Variants in CNTNAP2 observed in about 807,000 individuals in gnomAD.
CNTNAP2 encodes contactin associated protein 2.
Under a neutral mutation model 155.2 loss-of-function variants are expected in CNTNAP2, and 98 were observed. The ratio of observed to expected loss-of-function variants is 0.63; its 90% CI spans 0.54 to 0.75. CNTNAP2 has a LOEUF of 0.75. Ranked by LOEUF, CNTNAP2 falls within the 30% of genes least tolerant of loss-of-function variation. The pLI is 0.00. For synonymous variants in CNTNAP2, 651 were observed against 631.2 expected, an observed-to-expected ratio of 1.03 and a Z score of -0.47; for missense variants, 1,727 against 1,688.1, an observed-to-expected ratio of 1.02 and a Z score of -0.40.
chr7:146,889,205 G>C lies in CNTNAP2; in HGVS notation c.402+49301G>C, dbSNP rs1283280746. Among the ~76,000 whole-genome samples the C allele has an allele frequency of 6.6e-5, 10 of 151,960 alleles. No homozygotes were observed. The South Asian group carries it at 2.1e-3, about 32-fold the overall frequency. Reference sequence around the variant, plus strand: ...GCAGTTTTTAAAAAAGTTTTAATTAGTTGCTTTTTCTGTTTTTCAAAAAAT... The same window carrying C: ...GCAGTTTTTAAAAAAGTTTTAATTACTTGCTTTTTCTGTTTTTCAAAAAAT... On this transcript the variant is annotated intron_variant, in intron 3 of 23. Coordinates refer to ENST00000361727, the MANE Select transcript of CNTNAP2 (RefSeq NM_014141.6).
At chr7:147,542,116 A>G (rs1799650610) in intron 11 of CNTNAP2, among the ~76,000 whole-genome samples, 1 of 152,182 alleles carries the variant, frequency 6.6e-6, no homozygotes. Context: ...TTGATGTCTA[A>G]TTAGAGTTGC....
At chr7:147,886,524 C>T (rs1008154145) in intron 13 of CNTNAP2, among the ~76,000 whole-genome samples, 84 of 91,050 alleles carry the variant, frequency 9.2e-4, no homozygotes, top group African/African-American at 5.1e-3. Flanking sequence ...TAATCTCTCT[C>T]TCTCTTGAAG....
intron 11 of CNTNAP2, among the ~76,000 whole-genome samples, chr7:147,489,424 T>C (rs1798567036): frequency 6.6e-6 from 1 of 152,230 alleles, no homozygotes; most frequent in Non-Finnish European, 1.5e-5. Flanking sequence ...TGCAAATACA[T>C]TAAATTGTTG....
chr7:146,556,119 A>C (rs904669256), intron 1 of CNTNAP2, among the ~76,000 whole-genome samples: 2 of 152,218 alleles, frequency 1.3e-5, no homozygotes, highest in Non-Finnish European at 2.9e-5. Flanking sequence ...AAAGAAATGG[A>C]ATATTTCATG....
chr7:147,078,199 A>G (rs1358947307), intron 4 of CNTNAP2, among the ~76,000 whole-genome samples: 2 of 152,230 alleles, frequency 1.3e-5, no homozygotes, highest in Non-Finnish European at 2.9e-5. Flanking sequence ...AAAGAATTAC[A>G]TGTATAATGA....
chr7:147,532,462 T>C (rs972236359), intron 11 of CNTNAP2, among the ~76,000 whole-genome samples: 5 of 152,138 alleles, frequency 3.3e-5, no homozygotes, highest in Admixed American at 1.3e-4. Context: ...CTCTAGGAGG[T>C]TCCAAACTTT....
rs541223360 is a variant in CNTNAP2 at position 146,705,467 on chromosome 7, G to C, written c.98-68804G>C. On this transcript the variant is annotated intron_variant, in intron 1 of 23. Coordinates refer to ENST00000361727, the MANE Select transcript of CNTNAP2 (RefSeq NM_014141.6). ...AAGGCACTAATGACACTGATGAGAA[G>C]TCTCTACCCTTATGACCTATCACCC... 2.3e-4 allele frequency among the ~76,000 whole-genome samples: 35 copies of C among 152,170 alleles called. 1 individual carries two copies. In the South Asian group the frequency reaches 6.6e-3, roughly 29 times the overall value.
chr7:146,498,149 G>A (rs1797247733), intron 1 of CNTNAP2, among the ~76,000 whole-genome samples: 2 of 152,112 alleles, frequency 1.3e-5, no homozygotes. Context: ...GCCTATCAAT[G>A]CAACTGGCAT....
At chr7:147,948,930 G>A (rs867198977) in intron 14 of CNTNAP2, among the ~76,000 whole-genome samples, 4 of 151,982 alleles carry the variant, frequency 2.6e-5, no homozygotes, top group African/African-American at 7.3e-5. Context: ...GGCCAAGCAC[G>A]GTGGCCCACA....
At position 148,409,475 on chromosome 7, in the gene CNTNAP2, G is replaced by T; in HGVS notation, c.3796+4G>T. The T allele has an allele frequency of 5.0e-6, 8 of 1,613,264 alleles. No homozygotes were observed. Among genetic ancestry groups the T allele is most frequent in the Non-Finnish European group, 5.1e-6 (6 of 1,179,270 alleles). On this transcript the variant is annotated splice_donor_region_variant and intron_variant, in intron 23 of 23. Transcript: ENST00000361727. The stretch of plus-strand genomic sequence containing the variant: ...AGAAACTCGGCTATCATTGGAGGTA[G>T]GTGATGTCTAGAGGAGGCTTATATG...
At chr7:146,428,379 C>A (rs1796123651) in intron 1 of CNTNAP2, among the ~76,000 whole-genome samples, 2 of 151,936 alleles carry the variant, frequency 1.3e-5, no homozygotes, top group South Asian at 2.1e-4. Context: ...AAAAGCATTC[C>A]TTTTTTTATC....
intron 1 of CNTNAP2, among the ~76,000 whole-genome samples, chr7:146,506,676 G>T (rs1797389775): frequency 6.6e-6 from 1 of 152,246 alleles, no homozygotes; most frequent in Non-Finnish European, 1.5e-5. Flanking sequence ...CTTTCAGGTA[G>T]TTAACCACAA....
chr7:147,887,078 G>A (rs1799614405), intron 13 of CNTNAP2, among the ~76,000 whole-genome samples: 1 of 152,074 alleles, frequency 6.6e-6, no homozygotes. Context: ...ATATCACCTT[G>A]ACCATGCCTC....
At chr7:148,412,369 A>T (rs1799862391) in intron 23 of CNTNAP2, among the ~76,000 whole-genome samples, 1 of 152,212 alleles carries the variant, frequency 6.6e-6, no homozygotes, top group South Asian at 2.1e-4. Flanking sequence ...CATCTTAACG[A>T]TATTTAGTAT....
At chr7:146,386,236 T>C (rs1323543182) in intron 1 of CNTNAP2, among the ~76,000 whole-genome samples, 2 of 152,052 alleles carry the variant, frequency 1.3e-5, no homozygotes, top group South Asian at 2.1e-4. Context: ...TCATCCCTCC[T>C]CCCCTCCATT....
chr7:148,047,553 A>T (rs1802796622), intron 15 of CNTNAP2, among the ~76,000 whole-genome samples: 2 of 152,150 alleles, frequency 1.3e-5, no homozygotes, highest in African/African-American at 4.8e-5. Flanking sequence ...AAAAAAAAGC[A>T]CAAAAATGTC....
chr7:148,246,440 C>T (rs1205108950), intron 20 of CNTNAP2, among the ~76,000 whole-genome samples: 1 of 151,970 alleles, frequency 6.6e-6, no homozygotes, highest in East Asian at 1.9e-4. Flanking sequence ...ATTGAAAGAC[C>T]ATTAAAGAAA....
chr7:147,257,612 C>T (rs1401757061), intron 8 of CNTNAP2, among the ~76,000 whole-genome samples: 2 of 152,214 alleles, frequency 1.3e-5, no homozygotes, highest in Non-Finnish European at 2.9e-5. Flanking sequence ...ATCAGGCATT[C>T]ATAATTTACT....
chr7:148,243,482 C>A (rs543319072), intron 20 of CNTNAP2, among the ~76,000 whole-genome samples: 1 of 152,282 alleles, frequency 6.6e-6, no homozygotes, highest in Admixed American at 6.5e-5. Context: ...GGAAAAGTCA[C>A]GGTTCCACAT....
Sources: gnomAD v4.1 joint callset for allele counts (sites outside exome capture counted in the v4.1 genomes callset) on GRCh38, gnomAD v4.1.1 for gene constraint, MANE v1.5 for transcripts, NCBI Gene and HGNC (gene_info 2026-07-23, HGNC 2026-07-21) for gene names.